The following DST variants were observed in gnomAD, a reference collection of about 807,000 sequenced individuals.
DST encodes the protein dystonin, also known as bullous pemphigoid antigen.
A neutral mutation model predicts 875.2 loss-of-function variants in DST; 253 were observed. That is an observed-to-expected ratio of 0.29 (90% CI 0.26 to 0.32). The LOEUF is 0.32. Among genes scored for constraint, DST ranks in the 10% least tolerant of loss-of-function variants. The pLI is 1.00. For synonymous variants in DST, 3,124 were observed against 3,197.1 expected (o/e 0.98, Z 0.77); for missense variants, 8,287 against 9,111.6 (o/e 0.91, Z 3.68).
At position 56,813,548 on chromosome 6, in the gene DST, AAC is replaced by A. The variant is rs1338038043; in HGVS notation, c.625+37847_625+37848del. Among the ~76,000 whole-genome samples, 42 of 152,262 alleles carry A rather than the reference AAC, an allele frequency of 2.8e-4. No homozygotes were observed. In the East Asian group the frequency reaches 8.1e-3, roughly 29 times the overall value. Reference sequence around the variant, plus strand: ...AAATATTCCAGTTCTTTTACCTACCAACAGTTATTCCTTTACAATACAAATAA... The same window carrying A: ...AAATATTCCAGTTCTTTTACCTACCAAGTTATTCCTTTACAATACAAATAA... On this transcript the variant is annotated intron_variant, in intron 4 of 103. Coordinates refer to ENST00000680361, the MANE Select transcript of DST (RefSeq NM_001374736.1).
chr6:56,811,513 C>T (rs748017446), intron 4 of DST, among the ~76,000 whole-genome samples: 1 of 152,106 alleles, frequency 6.6e-6, no homozygotes, highest in Non-Finnish European at 1.5e-5. Context: ...CATTTAAGCC[C>T]ATTTAAAAAG....
Position 56,755,157 on chromosome 6 carries a change from A to G in DST, c.626-19868T>C, listed in dbSNP as rs552645764. On this transcript the variant is annotated intron_variant, in intron 4 of 103. Transcript: ENST00000680361. Reference sequence around the variant, plus strand: ...ATAAAAAAAAAAAAAACAAGACATTAGACACTAAATAGGAAACCGGTTGAC... The same window carrying G: ...ATAAAAAAAAAAAAAACAAGACATTGGACACTAAATAGGAAACCGGTTGAC... Among the ~76,000 whole-genome samples, 6 of 152,062 alleles carry G rather than the reference A, an allele frequency of 3.9e-5. No homozygotes were observed. The East Asian group carries it at 7.7e-4, about 20-fold the overall frequency.
At chr6:56,885,087 G>C (rs115557074) in intron 3 of DST, among the ~76,000 whole-genome samples, 406 of 152,292 alleles carry the variant, frequency 2.7e-3, no homozygotes, top group African/African-American at 9.3e-3. Flanking sequence ...TGTGATTGAT[G>C]GTTTCTATGA....
At chr6:56,594,264 C>A (rs1174848179) in intron 47 of DST, 71 bp from the exon 48 acceptor site, 1 of 1,274,066 alleles carries the variant, frequency 7.8e-7, no homozygotes, top group African/African-American at 1.5e-5. Flanking sequence ...CTCCTTGCCG[C>A]CTCAAGACTG....
At chr6:56,922,696 G>A (rs929557260) in intron 2 of DST, among the ~76,000 whole-genome samples, 3 of 152,068 alleles carry the variant, frequency 2.0e-5, no homozygotes, top group Non-Finnish European at 2.9e-5. Context: ...CCAGCTGCAT[G>A]AATGGTTCTA....
intron 2 of DST, among the ~76,000 whole-genome samples, chr6:56,922,974 C>G (rs928206624): frequency 1.3e-5 from 2 of 152,062 alleles, no homozygotes; most frequent in Non-Finnish European, 1.5e-5. Context: ...CTAGCACAAT[C>G]TAAAAACAAA....
intron 55 of DST, among the ~76,000 whole-genome samples, chr6:56,567,806 T>C (rs1474016214): frequency 1.3e-5 from 2 of 152,204 alleles, no homozygotes; most frequent in Non-Finnish European, 2.9e-5. Flanking sequence ...CTTCTGCCCA[T>C]TATTTTTTTA....
intron 9 of DST, among the ~76,000 whole-genome samples, chr6:56,682,343 T>A (rs1182524220): frequency 6.6e-6 from 1 of 152,164 alleles, no homozygotes; most frequent in Non-Finnish European, 1.5e-5. Context: ...TGGCTTATTT[T>A]ACCTTTTCAC....
chr6:56,642,861 T>G, intron 15 of DST: 1 of 1,606,114 alleles, frequency 6.2e-7, no homozygotes, highest in Non-Finnish European at 8.5e-7. Context: ...TGGAAAAAGC[T>G]CTACTTCTAA....
At chr6:56,476,433 C>G in intron 91 of DST, 96 bp from the exon 92 acceptor site, 1 of 1,129,764 alleles carries the variant, frequency 8.9e-7, no homozygotes, top group East Asian at 2.6e-5. Flanking sequence ...AAATTAGGAT[C>G]ATCCTGAGCT....
chr6:56,606,251 T>C lies in DST; in HGVS notation c.8377A>G (p.Ser2793Gly), dbSNP rs778224562. 5.7e-6 allele frequency: 9 copies of C among 1,569,272 alleles called. No homozygotes were observed. The highest frequency in any genetic ancestry group is 2.3e-5 in the East Asian group (1 of 42,744). The change falls in exon 40 of 104, where the codon AGT becomes GGT. Residue 2793 changes from serine to glycine, a missense_variant. Ser to Gly is a moderately conservative substitution (Grantham distance 56). Coordinates refer to ENST00000680361, the MANE Select transcript of DST (RefSeq NM_001374736.1). The part of the protein sequence containing the change: ...DHLDSMQSEE[S>G]YGDYIYDSND... ...CTGTCATATATATAATCCCCATAAC[T>C]TTCTTCACTTTGCATAGAATCTAAA...
intron 72 of DST, among the ~76,000 whole-genome samples, chr6:56,513,914 A>C (rs998410751): frequency 3.3e-5 from 5 of 152,182 alleles, no homozygotes; most frequent in Admixed American, 6.5e-5. Flanking sequence ...CCTGGCTAGA[A>C]TGAACTAGAT....
chr6:56,688,001 GA>G (rs887588776), intron 9 of DST, among the ~76,000 whole-genome samples: 5 of 152,136 alleles, frequency 3.3e-5, no homozygotes, highest in African/African-American at 1.2e-4. Flanking sequence ...AAACAGAGGG[GA>G]AAGGCTACCT....
intron 4 of DST, among the ~76,000 whole-genome samples, chr6:56,807,546 C>T (rs2099754633): frequency 1.3e-5 from 2 of 152,118 alleles, no homozygotes; most frequent in African/African-American, 4.8e-5. Flanking sequence ...ATTAAACACA[C>T]GGGTCAATGG....
At chr6:56,629,012 G>T (rs1474377580) in intron 32 of DST, among the ~76,000 whole-genome samples, 1 of 152,122 alleles carries the variant, frequency 6.6e-6, no homozygotes, top group African/African-American at 2.4e-5. Flanking sequence ...AAGGCAAGCA[G>T]ATTAACTATA....
chr6:56,563,987 T>C (rs545631132), intron 55 of DST, among the ~76,000 whole-genome samples: 1 of 152,302 alleles, frequency 6.6e-6, no homozygotes, highest in South Asian at 2.1e-4. Flanking sequence ...AGCCTTGTAG[T>C]ATAGTTTGAA....
chr6:56,637,205 T>TA (rs2098834519), intron 22 of DST, among the ~76,000 whole-genome samples: 1 of 152,218 alleles, frequency 6.6e-6, no homozygotes, highest in African/African-American at 2.4e-5. Context: ...TATAAATTCT[T>TA]AAACCACTCC....
intron 4 of DST, among the ~76,000 whole-genome samples, chr6:56,799,769 G>A (rs1183433873): frequency 2.6e-5 from 4 of 151,726 alleles, no homozygotes; most frequent in Non-Finnish European, 5.9e-5. Flanking sequence ...TAACAGGCAC[G>A]CACCACCATG....
At chr6:56,711,301 A>G (rs2099362368) in intron 5 of DST, among the ~76,000 whole-genome samples, 2 of 152,166 alleles carry the variant, frequency 1.3e-5, no homozygotes, top group Admixed American at 1.3e-4. Context: ...TCTTCTATAC[A>G]GTTTCGCCAT....
Sources: allele counts gnomAD v4.1 joint callset (sites outside exome capture counted in the v4.1 genomes callset), GRCh38; gene constraint gnomAD v4.1.1; transcripts MANE v1.5; gene names NCBI Gene and HGNC (gene_info 2026-07-23, HGNC 2026-07-21).